SACS: variants seen among roughly 807,000 people sequenced by gnomAD.
SACS encodes the protein sacsin molecular chaperone, also known as sacsin.
Under a neutral mutation model 348.0 loss-of-function variants are expected in SACS, and 197 were observed. The ratio of observed to expected loss-of-function variants is 0.57; its 90% CI spans 0.50 to 0.64. SACS has a LOEUF of 0.64. Ranked by LOEUF, SACS falls within the 30% of genes least tolerant of loss-of-function variation. The pLI is 0.00. For missense variants in SACS, 4,999 were observed against 5,360.8 expected, an observed-to-expected ratio of 0.93 and a Z score of 2.11; for synonymous variants, 1,985 against 1,910.6, an observed-to-expected ratio of 1.04 and a Z score of -1.02.
At chr13:23,341,777 GTTC>G in intron 9 of SACS, 87 bp from the exon 10 acceptor site, 69 of 616,794 alleles carry the variant, frequency 1.1e-4, no homozygotes, top group Admixed American at 2.7e-4. Flanking sequence ...GTACTGGAAG[GTTC>G]TTTTTTTTTT....
At chr13:23,406,230 G>A (rs1029620688) in intron 2 of SACS, among the ~76,000 whole-genome samples, 4 of 152,094 alleles carry the variant, frequency 2.6e-5, no homozygotes, top group Admixed American at 6.5e-5. Flanking sequence ...TCCTTTGCAG[G>A]GACATGGATG....
At position 23,411,491 on chromosome 13, in the gene SACS, G is replaced by A. The variant is rs1271850961; in HGVS notation, c.-252C>T. 1.5e-5 allele frequency: 8 copies of A among 540,358 alleles called. No individual in the cohort carries two copies. The highest frequency in any genetic ancestry group is 2.3e-5 in the Non-Finnish European group (7 of 306,702). The allele number at this position is 540,358 out of a possible 1,614,324, so 33.5% of individuals were successfully genotyped here. A position where few individuals can be genotyped will look rare whatever the true frequency, so the allele number is the denominator to read the frequency against. On this transcript the variant is annotated 5_prime_UTR_variant, in exon 2 of 10. Transcript: ENST00000382292. The stretch of plus-strand genomic sequence containing the variant: ...GATAATGGTTGCCTGCTGATCCAGC[G>A]ACCCATGGAAGTTCTCAGGATAAAA...
At chr13:23,430,489 G>A (rs1173370043) in intron 1 of SACS, among the ~76,000 whole-genome samples, 2 of 151,980 alleles carry the variant, frequency 1.3e-5, no homozygotes, top group Non-Finnish European at 2.9e-5. Context: ...AATATTTTTT[G>A]TATTTAATCT....
chr13:23,369,226 C>G (rs1871239475), intron 4 of SACS, among the ~76,000 whole-genome samples: 1 of 152,152 alleles, frequency 6.6e-6, no homozygotes, highest in Admixed American at 6.5e-5. Flanking sequence ...AACCAGTGTT[C>G]TGATTGTTCT....
chr13:23,335,095 T>C lies in SACS; in HGVS notation c.8781A>G (p.Ile2927Met), dbSNP rs1385670567. ...CAGGGAAATACCGTTTTTTTAACTG[T>C]ATTAGCAATTCAACATATGCAGGAG... ...LIAPAYVELL[I>M]QLKKRYFPGS... Residue 2927 changes from isoleucine (I) to methionine (M), a missense_variant, in exon 10 of 10, where the codon ATA becomes ATG. By Grantham distance (10) the Ile-to-Met change is conservative. This residue lies in a region of SACS where 734 missense variants were observed against 694.0 expected (regional missense o/e 1.06). Coordinates refer to ENST00000382292, the MANE Select transcript of SACS (RefSeq NM_014363.6). This position sits in a 1 kb window ranked among gnomAD's most constrained non-coding sequence, Gnocchi z 4.7. 1.9e-6 allele frequency: 3 copies of C among 1,613,902 alleles called. No individual in the cohort carries two copies. The highest frequency in any genetic ancestry group is 2.5e-6 in the Non-Finnish European group (3 of 1,179,852).
chr13:23,380,588 C>T (rs1271410021), intron 2 of SACS, among the ~76,000 whole-genome samples: 2 of 152,098 alleles, frequency 1.3e-5, no homozygotes, highest in African/African-American at 4.8e-5. Flanking sequence ...AGGCATCAAA[C>T]ACTTCTTCAT....
chr13:23,412,368 G>A (rs1002439360), intron 1 of SACS, among the ~76,000 whole-genome samples: 2 of 150,450 alleles, frequency 1.3e-5, no homozygotes, highest in Admixed American at 1.3e-4. Context: ...CACATGTGAT[G>A]TGCCTTTTTT....
At chr13:23,403,572 C>G (rs1292562413) in intron 2 of SACS, among the ~76,000 whole-genome samples, 1 of 152,070 alleles carries the variant, frequency 6.6e-6, no homozygotes, top group East Asian at 1.9e-4. Flanking sequence ...TGGTAGTCTG[C>G]ATTTCTGTGG....
chr13:23,354,954 A>C lies in SACS; in HGVS notation c.1658T>G (p.Phe553Cys), dbSNP rs773953779. The change falls in exon 8 of 10, where the codon TTC becomes TGC. Residue 553 changes from phenylalanine (F) to cysteine (C), a missense_variant. Phe to Cys is a radical substitution (Grantham distance 205). Coordinates refer to ENST00000382292, the MANE Select transcript of SACS (RefSeq NM_014363.6). ...VHWQPVLEPL[F>C]SELLQNAVIY... ...CACTGCATTCTGCAACAGCTCGCTG[A>C]ATAGAGGCTCTAACACCGGTTGCCA... is the stretch of plus-strand genomic sequence containing the variant. The C allele has an allele frequency of 1.2e-6, 2 of 1,614,240 alleles. No individual in the cohort carries two copies. The highest frequency in any genetic ancestry group is 1.7e-6 in the Non-Finnish European group (2 of 1,180,044).
Position 23,336,184 on chromosome 13 carries a change from C to A in SACS, c.7692G>T (p.Val2564=). The A allele has an allele frequency of 6.2e-7, 1 of 1,614,052 alleles. No homozygotes were observed. Residue 2564 remains valine (V), a synonymous_variant, in exon 10 of 10, where the codon GTG becomes GTT. Coordinates refer to ENST00000382292, the MANE Select transcript of SACS (RefSeq NM_014363.6). ...CAACTGGATGCTGTCTAGGATCAAACACAAAACAGATTTCTGTCGCCTTTG... is the reference window on the plus strand; with the variant it reads ...CAACTGGATGCTGTCTAGGATCAAAAACAAAACAGATTTCTGTCGCCTTTG... ...DDAKATEICF[V]FDPRQHPVDR...
chr13:23,333,502 G>A lies in SACS; in HGVS notation c.10374C>T (p.His3458=). 1 of 1,613,286 alleles carries A rather than the reference G, an allele frequency of 6.2e-7. No homozygotes were observed. Among genetic ancestry groups the A allele is most frequent in the Non-Finnish European group, 8.5e-7 (1 of 1,179,510 alleles). Reference sequence around the variant, plus strand: ...CAATCACCTCATATAGTTCTTTTAAGTGTATTTTTTCTTCAAGAAATGCAG... The same window carrying A: ...CAATCACCTCATATAGTTCTTTTAAATGTATTTTTTCTTCAAGAAATGCAG... ...SSSAFLEEKI[H]LKELYEVIGC... Residue 3458 remains histidine (H), a synonymous_variant, in exon 10 of 10, where the codon CAC becomes CAT. Transcript: ENST00000382292.
At chr13:23,421,128 C>A (rs78030244) in intron 1 of SACS, among the ~76,000 whole-genome samples, 3 of 151,998 alleles carry the variant, frequency 2.0e-5, no homozygotes, top group Middle Eastern at 6.8e-3. Context: ...GCCTTGTGTC[C>A]GCCTGGGCCC....
chr13:23,339,718 A>G lies in SACS; in HGVS notation c.4158T>C (p.Asn1386=), dbSNP rs779923891. Residue 1386 remains asparagine (N), a synonymous_variant, in exon 10 of 10, where the codon AAT becomes AAC. Transcript: ENST00000382292. ...TTGGCTTCATGATAAGTTTAGAAGG[A>G]TTTTTGCTATGATGTATAGGAACTG... ...NTPVPIHHSK[N]PSKLIMKPIH... is the part of the protein sequence containing the mutation. The G allele has an allele frequency of 6.2e-7, 1 of 1,614,102 alleles. No homozygotes were observed. The highest frequency in any genetic ancestry group is 1.7e-5 in the Admixed American group (1 of 60,024).
chr13:23,351,861 A>C (rs1374996517), intron 9 of SACS, among the ~76,000 whole-genome samples: 1 of 152,148 alleles, frequency 6.6e-6, no homozygotes, highest in Non-Finnish European at 1.5e-5. Context: ...AACCAAGACC[A>C]GAGACAAAAC....
chr13:23,397,213 T>C (rs1435032672), intron 2 of SACS, among the ~76,000 whole-genome samples: 2 of 152,176 alleles, frequency 1.3e-5, no homozygotes, highest in Non-Finnish European at 2.9e-5. Context: ...ACTATTACAA[T>C]TAATAAGGGT....
At chr13:23,388,151 G>A (rs1025000906) in intron 2 of SACS, among the ~76,000 whole-genome samples, 4 of 152,022 alleles carry the variant, frequency 2.6e-5, no homozygotes, top group Admixed American at 1.3e-4. Context: ...GCACACATAT[G>A]TTTATCACAG....
Position 23,354,622 on chromosome 13 carries a change from G to T in SACS, c.1990C>A (p.Leu664Ile), listed in dbSNP as rs760532575. Reference protein sequence around the residue: ...VLSDQAYSELLGLELLPLQNG... With the variant: ...VLSDQAYSELIGLELLPLQNG... ...TGTAAAGGGAGCAGCTCCAGCCCAA[G>T]CAGCTCACTGTAGGCTTGGTCAGAA... The change falls in exon 8 of 10, where the codon CTT (leucine) becomes ATT (isoleucine). Residue 664 changes from leucine (L) to isoleucine (I), a missense_variant. This residue lies in a region of SACS where 3,156 missense variants were observed against 3,380.1 expected (regional missense o/e 0.93). Coordinates refer to ENST00000382292, the MANE Select transcript of SACS (RefSeq NM_014363.6). 2 of 1,614,240 alleles carry T rather than the reference G, an allele frequency of 1.2e-6. No individual in the cohort carries two copies. The highest frequency in any genetic ancestry group is 4.5e-5 in the East Asian group (2 of 44,888).
At chr13:23,349,809 A>T (rs941452507) in intron 9 of SACS, among the ~76,000 whole-genome samples, 39 of 152,216 alleles carry the variant, frequency 2.6e-4, no homozygotes, top group African/African-American at 8.9e-4. Context: ...AAATTTGTTC[A>T]AAGTCACACA....
At chr13:23,381,383 ACACACACACACAGG>A (rs1872050757) in intron 2 of SACS, among the ~76,000 whole-genome samples, 1 of 151,638 alleles carries the variant, frequency 6.6e-6, no homozygotes, top group Non-Finnish European at 1.5e-5. Flanking sequence ...ACACACACAC[ACACACACACACAGG>A]CAAACACTCT....
Sources: gnomAD v4.1 joint callset for allele counts (sites outside exome capture counted in the v4.1 genomes callset) on GRCh38, gnomAD v4.1.1 for gene constraint, gnomAD v4.1.1 regional missense constraint, Gnocchi (gnomAD v3.1) non-coding constraint, MANE v1.5 for transcripts, NCBI Gene and HGNC (gene_info 2026-07-23, HGNC 2026-07-21) for gene names.